SH3BGRL2: variants seen among roughly 807,000 people sequenced by gnomAD.
SH3BGRL2 encodes the protein SH3 domain-binding glutamic acid-rich-like protein 2.
Under a neutral mutation model 14.8 loss-of-function variants are expected in SH3BGRL2, and 21 were observed. The ratio of observed to expected loss-of-function variants is 1.42; its 90% CI spans 1.01 to 2.05. The LOEUF (loss-of-function observed/expected upper bound fraction) is 2.05, where lower values mean the gene tolerates loss of function less well. Ranked by LOEUF, SH3BGRL2 falls within the 30% of genes most tolerant of loss-of-function variation. The probability of loss-of-function intolerance (pLI) is 0.00; values close to 1 mark genes in which losing one functional copy is unlikely to be tolerated. For synonymous variants in SH3BGRL2, 50 were observed against 47.8 expected, an observed-to-expected ratio of 1.05 and a Z score of -0.19; for missense variants, 147 against 130.8, an observed-to-expected ratio of 1.12 and a Z score of -0.61.
the SH3BGRL2 span, among the ~76,000 whole-genome samples, chr6:79,579,924 G>T: frequency 6.6e-6 from 1 of 152,138 alleles, no homozygotes; most frequent in Non-Finnish European, 1.5e-5. Flanking sequence ...AGAGACACAT[G>T]TAAGCTCAAA....
At chr6:79,544,752 T>G in the SH3BGRL2 span, among the ~76,000 whole-genome samples, 1 of 152,206 alleles carries the variant, frequency 6.6e-6, no homozygotes, top group Non-Finnish European at 1.5e-5. Context: ...TAGCAATTTT[T>G]CTCAATATTT....
chr6:79,692,673 G>A lies in SH3BGRL2; in HGVS notation c.232-3812G>A, dbSNP rs535270057. 2.6e-5 allele frequency among the ~76,000 whole-genome samples: 4 copies of A among 152,298 alleles called. No individual in the cohort carries two copies. The East Asian group carries it at 5.8e-4, about 22-fold the overall frequency. The stretch of plus-strand genomic sequence containing the variant: ...TCAAAGATCAGATGGTTGTAGATAT[G>A]TGGCATTATTTCTGAGAGCTCTGTT... On this transcript the variant is annotated intron_variant, in intron 2 of 3. Coordinates refer to ENST00000369838, the MANE Select transcript of SH3BGRL2 (RefSeq NM_031469.4).
the SH3BGRL2 span, among the ~76,000 whole-genome samples, chr6:79,589,204 A>AT: frequency 0.048 from 4,113 of 85,372 alleles, 157 homozygotes; most frequent in African/African-American, 0.12. Flanking sequence ...ATATATATAT[A>AT]TATTTTTTTT....
At chr6:79,655,214 G>A (rs1306006387) in intron 1 of SH3BGRL2, among the ~76,000 whole-genome samples, 1 of 152,092 alleles carries the variant, frequency 6.6e-6, no homozygotes, top group Non-Finnish European at 1.5e-5. Flanking sequence ...TTAGCTAGGT[G>A]AAGCTGGAAA....
the SH3BGRL2 span, among the ~76,000 whole-genome samples, chr6:79,556,731 A>G: frequency 6.6e-6 from 1 of 152,014 alleles, no homozygotes. Flanking sequence ...ATAAAAATGA[A>G]GATATCCTGA....
At position 79,703,409 on chromosome 6, in the gene SH3BGRL2, CATATA is replaced by C. The variant is rs1366930039; in HGVS notation, c.*3906_*3910del. On this transcript the variant is annotated 3_prime_UTR_variant, in exon 4 of 4. Coordinates refer to ENST00000369838, the MANE Select transcript of SH3BGRL2 (RefSeq NM_031469.4). ...AATGGAATATAGATATGTATATACA[CATATA>C]ATATATATGCTAAAGTATAAAGAGT... 6.6e-6 allele frequency: 1 copy of C among 152,144 alleles called. No individual in the cohort carries two copies. Among genetic ancestry groups the C allele is most frequent in the Non-Finnish European group, 1.5e-5 (1 of 68,034 alleles). 9.4% of individuals were successfully genotyped at this position (152,144 alleles called of 1,614,324 possible).
Position 79,695,800 on chromosome 6 carries a change from G to A in SH3BGRL2, c.232-685G>A, listed in dbSNP as rs111722537. On this transcript the variant is annotated intron_variant, in intron 2 of 3. Coordinates refer to ENST00000369838, the MANE Select transcript of SH3BGRL2 (RefSeq NM_031469.4). ...AAGTTATCAAATTACCAAATTTTAA[G>A]ACTGCTTTACATATGATAAATGCAA... Among the ~76,000 whole-genome samples the A allele has an allele frequency of 3.7e-3, 562 of 152,268 alleles. 4 individuals are homozygous for A. The highest frequency in any genetic ancestry group is 0.013 in the African/African-American group (525 of 41,554).
the SH3BGRL2 span, among the ~76,000 whole-genome samples, chr6:79,597,296 AAG>A: frequency 2.0e-5 from 3 of 149,888 alleles, no homozygotes; most frequent in African/African-American, 4.9e-5. Context: ...GAAAGAGAGA[AAG>A]AGAGAGAAAA....
intron 1 of SH3BGRL2, among the ~76,000 whole-genome samples, chr6:79,669,554 C>T (rs969855416): frequency 3.4e-5 from 5 of 148,984 alleles, no homozygotes; most frequent in African/African-American, 1.2e-4. Flanking sequence ...AAGTGATTCT[C>T]CTGCCTCAGC....
upstream of SH3BGRL2, among the ~76,000 whole-genome samples, chr6:79,631,048 C>T (rs1394674836): frequency 6.6e-6 from 1 of 152,140 alleles, no homozygotes; most frequent in Admixed American, 6.5e-5. Flanking sequence ...TTGAACCGAG[C>T]CCTTTTGCCT....
chr6:79,621,293 G>A, the SH3BGRL2 span, among the ~76,000 whole-genome samples: 1 of 152,146 alleles, frequency 6.6e-6, no homozygotes, highest in Non-Finnish European at 1.5e-5. Context: ...AATCACTAAT[G>A]TGATAGTGTT....
chr6:79,612,024 G>A, the SH3BGRL2 span, among the ~76,000 whole-genome samples: 3 of 152,160 alleles, frequency 2.0e-5, no homozygotes, highest in Non-Finnish European at 4.4e-5. Flanking sequence ...TCACTGCCAG[G>A]CGCTGGCTCA....
At chr6:79,670,837 T>A (rs1332637679) in intron 1 of SH3BGRL2, among the ~76,000 whole-genome samples, 1 of 152,190 alleles carries the variant, frequency 6.6e-6, no homozygotes, top group Non-Finnish European at 1.5e-5. Context: ...TTTCTGCACC[T>A]CCAGGCACCA....
chr6:79,640,664 C>T (rs534102531), intron 1 of SH3BGRL2, among the ~76,000 whole-genome samples: 69 of 151,554 alleles, frequency 4.6e-4, no homozygotes, highest in Middle Eastern at 3.4e-3. Context: ...GGAAGGTATC[C>T]GGCAGGGTGT....
rs1302063000 is a variant in SH3BGRL2 at position 79,659,392 on chromosome 6, G to T, written c.46-14222G>T. Among the ~76,000 whole-genome samples, 3 of 152,106 alleles carry T rather than the reference G, an allele frequency of 2.0e-5. No homozygotes were observed. The East Asian group carries it at 5.8e-4, about 29-fold the overall frequency. On this transcript the variant is annotated intron_variant, in intron 1 of 3. Transcript: ENST00000369838. Reference sequence around the variant, plus strand: ...TTTCCCAGCACCATTTATAAAATAGGGAATCCTTTCCCCATTTCTTGTTTT... The same window carrying T: ...TTTCCCAGCACCATTTATAAAATAGTGAATCCTTTCCCCATTTCTTGTTTT...
At chr6:79,548,742 A>G in the SH3BGRL2 span, among the ~76,000 whole-genome samples, 3,515 of 152,256 alleles carry the variant, frequency 0.023, 131 homozygotes, top group African/African-American at 0.08. Context: ...TAGGAGTGGG[A>G]CATAATTACT....
chr6:79,558,078 A>G, the SH3BGRL2 span, among the ~76,000 whole-genome samples: 1 of 152,252 alleles, frequency 6.6e-6, no homozygotes, highest in Non-Finnish European at 1.5e-5. Context: ...TAAATACGTT[A>G]GCACATTGTT....
At chr6:79,555,183 T>C in the SH3BGRL2 span, among the ~76,000 whole-genome samples, 1 of 152,118 alleles carries the variant, frequency 6.6e-6, no homozygotes, top group African/African-American at 2.4e-5. Flanking sequence ...CATGCAATGG[T>C]TCACACCTGT....
intron 2 of SH3BGRL2, among the ~76,000 whole-genome samples, chr6:79,688,032 C>A (rs1044228949): frequency 6.6e-6 from 1 of 152,070 alleles, no homozygotes; most frequent in Non-Finnish European, 1.5e-5. Context: ...CTTGCTTAGT[C>A]CATAATGGTC....
Sources: gnomAD v4.1 joint callset for allele counts (sites outside exome capture counted in the v4.1 genomes callset) on GRCh38, gnomAD v4.1.1 for gene constraint, MANE v1.5 for transcripts, NCBI Gene and HGNC (gene_info 2026-07-23, HGNC 2026-07-21) for gene names.